TNS1: variants seen among roughly 807,000 people sequenced by gnomAD.
The protein encoded by TNS1 is tensin-1.
Under a neutral mutation model 168.6 loss-of-function variants are expected in TNS1, and 62 were observed. The ratio of observed to expected loss-of-function variants is 0.37; its 90% confidence interval spans 0.30 to 0.45. TNS1 has a LOEUF of 0.45. Among genes scored for constraint, TNS1 ranks in the 20% least tolerant of loss-of-function variants. The pLI, the probability that TNS1 is intolerant of heterozygous loss-of-function variation, is 1.00. For synonymous variants in TNS1, 934 were observed against 933.2 expected (o/e 1.00, Z -0.02); for missense variants, 2,240 against 2,339.4 (o/e 0.96, Z 0.88).
chr2:218,010,401 G>C, exon 1 of TNS1: 1 of 388,028 alleles, frequency 2.6e-6, no homozygotes, highest in Non-Finnish European at 4.6e-6. Context: ...GGAGGCCCGC[G>C]GCGCGGCCCG....
Position 217,852,172 on chromosome 2 carries a change from T to G in TNS1, c.1430-3085A>C, listed in dbSNP as rs550545260. Among the ~76,000 whole-genome samples, 206 of 152,234 alleles carry G rather than the reference T, an allele frequency of 1.4e-3. 1 individual carries two copies. Among genetic ancestry groups the G allele is most frequent in the African/African-American group, 4.5e-3 (189 of 41,560 alleles). ...AAAAAAAGAAGAGACCCCAGCCGCC[T>G]GTTTCTAGGGGGCAAAGCACTGAAG... is the stretch of plus-strand genomic sequence containing the variant. On this transcript the variant is annotated intron_variant, in intron 18 of 32. Coordinates refer to ENST00000682258, the MANE Select transcript of TNS1 (RefSeq NM_001387777.1).
At chr2:218,031,229 AGT>A (rs1384089917) in intron 1 of TNS1, among the ~76,000 whole-genome samples, 16 of 109,486 alleles carry the variant, frequency 1.5e-4, no homozygotes, top group East Asian at 1.2e-3. Context: ...TATGAGTGTG[AGT>A]GTGTGAGCAT....
At chr2:217,822,940 G>T (rs2125208352) in intron 22 of TNS1, among the ~76,000 whole-genome samples, 1 of 152,252 alleles carries the variant, frequency 6.6e-6, no homozygotes, top group East Asian at 1.9e-4. Context: ...ATCCCACCCT[G>T]TCCCTGTCTT....
At chr2:217,879,457 T>C in intron 18 of TNS1, 3 of 454,304 alleles carry the variant, frequency 6.6e-6, no homozygotes, top group South Asian at 1.6e-5. Context: ...ACAAGCAGCC[T>C]GGGGGGTCGG....
intron 18 of TNS1, among the ~76,000 whole-genome samples, chr2:217,851,268 G>C (rs1364613318): frequency 6.6e-6 from 1 of 152,036 alleles, no homozygotes; most frequent in African/African-American, 2.4e-5. Context: ...GCCAGAAGTG[G>C]CAGCCTCTAA....
At chr2:217,911,008 G>A (rs1241805269) in intron 4 of TNS1, among the ~76,000 whole-genome samples, 1 of 152,164 alleles carries the variant, frequency 6.6e-6, no homozygotes, top group Non-Finnish European at 1.5e-5. Context: ...GTGAGCTGGT[G>A]CCTCCCTGCA....
chr2:217,859,612 G>A, intron 18 of TNS1: 8 of 1,533,092 alleles, frequency 5.2e-6, no homozygotes, highest in Non-Finnish European at 6.1e-6. Context: ...CTTTGGGAAG[G>A]CCAGTGTGTG....
intron 3 of TNS1, among the ~76,000 whole-genome samples, chr2:217,951,280 T>C (rs982274856): frequency 6.6e-6 from 1 of 152,066 alleles, no homozygotes; most frequent in Non-Finnish European, 1.5e-5. Context: ...CCCCAGACAT[T>C]CTCCTCCTTC....
Position 217,990,977 on chromosome 2 carries a change from C to T in TNS1, c.113G>A (p.Arg38His), listed in dbSNP as rs772114739. 9 of 689,940 alleles carry T rather than the reference C, an allele frequency of 1.3e-5. No individual in the cohort carries two copies. Among genetic ancestry groups the T allele is most frequent in the Middle Eastern group, 2.3e-4 (1 of 4,318 alleles). 42.7% of individuals were successfully genotyped at this position (689,940 alleles called of 1,614,324 possible). ...GCAGCCTTCCTGGGTGATGACCTGG[C>T]GGCAGATCCCACAGGGCTTCACCTT... ...FKKVKPCGIC[R>H]QVITQEGCTC... The change falls in exon 2 of 33, where the codon CGC becomes CAC. Residue 38 changes from arginine (R) to histidine (H), a missense_variant. Around this residue, in one of 2 missense-constraint regions of TNS1, gnomAD observed 2,131 missense variants for 2,171.2 expected, o/e 0.98. Coordinates refer to ENST00000682258, the MANE Select transcript of TNS1 (RefSeq NM_001387777.1).
In TNS1 at chr2:217,880,798, C is replaced by T. The variant is rs1272478098; in HGVS notation, c.1429+100G>A. ...CTCACACTTCCCCTCTGCCTCCTCT[C>T]GAACCCAGATCTCTTGAAAGCAGGC... On this transcript the variant is annotated intron_variant, in intron 18 of 32. Coordinates refer to ENST00000682258, the MANE Select transcript of TNS1 (RefSeq NM_001387777.1). This position sits in a 1 kb window ranked among gnomAD's most constrained non-coding sequence, Gnocchi z 4.2. 7 of 913,046 alleles carry T rather than the reference C, an allele frequency of 7.7e-6. No homozygotes were observed. The highest frequency in any genetic ancestry group is 6.6e-5 in the African/African-American group (4 of 60,822). 56.6% of individuals were successfully genotyped at this position (913,046 alleles called of 1,614,324 possible). A position where few individuals can be genotyped will look rare whatever the true frequency, so the allele number is the denominator to read the frequency against.
At chr2:217,853,101 C>T (rs2125475369) in intron 18 of TNS1, among the ~76,000 whole-genome samples, 1 of 152,230 alleles carries the variant, frequency 6.6e-6, no homozygotes, top group African/African-American at 2.4e-5. Flanking sequence ...CTCATCATTC[C>T]CTTCTCACCA....
At chr2:217,812,288 C>T (rs894598526) in intron 28 of TNS1, 80 bp downstream of exon 28, 46 of 1,230,376 alleles carry the variant, frequency 3.7e-5, no homozygotes, top group Middle Eastern at 3.9e-4. Flanking sequence ...GGCCCATGTC[C>T]GGAGTGGCTG....
intron 18 of TNS1, among the ~76,000 whole-genome samples, chr2:217,872,392 CAG>C (rs895285545): frequency 2.0e-5 from 3 of 152,262 alleles, no homozygotes; most frequent in African/African-American, 4.8e-5. Flanking sequence ...AAAAAGGAAA[CAG>C]AGGATGTGGA....
At chr2:217,892,739 C>A (rs1574976073) in intron 11 of TNS1, among the ~76,000 whole-genome samples, 1 of 152,190 alleles carries the variant, frequency 6.6e-6, no homozygotes, top group East Asian at 1.9e-4. Context: ...CACCAGAACC[C>A]CTGATAGAGA....
intron 22 of TNS1, among the ~76,000 whole-genome samples, chr2:217,827,868 C>G (rs957720047): frequency 6.6e-6 from 1 of 152,336 alleles, no homozygotes; most frequent in Non-Finnish European, 1.5e-5. Context: ...GGCCCACGCC[C>G]CTGAAGTCAC....
intron 18 of TNS1, among the ~76,000 whole-genome samples, chr2:217,871,437 T>C (rs1029567580): frequency 2.0e-5 from 3 of 152,170 alleles, no homozygotes; most frequent in Non-Finnish European, 2.9e-5. Context: ...AACTCACCCC[T>C]GAAGCCCTCT....
chr2:217,992,439 A>AC (rs974510176), intron 1 of TNS1: 2 of 152,228 alleles, frequency 1.3e-5, no homozygotes, highest in African/African-American at 4.8e-5. Context: ...GGAGAGGAGG[A>AC]CTGTGAGTCC....
intron 3 of TNS1, among the ~76,000 whole-genome samples, chr2:217,945,567 T>C (rs952734383): frequency 2.0e-5 from 3 of 152,192 alleles, no homozygotes; most frequent in African/African-American, 7.2e-5. Flanking sequence ...AAAGAGGGTC[T>C]GGGTTCTGAG....
chr2:217,834,315 C>T (rs898387099), intron 21 of TNS1, among the ~76,000 whole-genome samples: 2 of 152,254 alleles, frequency 1.3e-5, no homozygotes, highest in Admixed American at 6.5e-5. Flanking sequence ...CCAGGCCCAG[C>T]CAACCTGATC....
Sources: allele counts gnomAD v4.1 joint callset (sites outside exome capture counted in the v4.1 genomes callset), GRCh38; gene constraint gnomAD v4.1.1; regional missense constraint gnomAD v4.1.1; non-coding constraint Gnocchi (gnomAD v3.1); transcripts MANE v1.5; gene names NCBI Gene and HGNC (gene_info 2026-07-23, HGNC 2026-07-21).